MAPK8IP3: variants seen among roughly 807,000 people sequenced by gnomAD.
The protein encoded by MAPK8IP3 is C-Jun-amino-terminal kinase-interacting protein 3.
In MAPK8IP3, 49 loss-of-function variants were observed where a neutral mutation model predicts 157.8. The ratio of observed to expected loss-of-function variants is 0.31; its 90% confidence interval spans 0.25 to 0.39. MAPK8IP3 has a LOEUF of 0.39. Among genes scored for constraint, MAPK8IP3 ranks in the 10% least tolerant of loss-of-function variants. The pLI, the probability that MAPK8IP3 is intolerant of heterozygous loss-of-function variation, is 1.00. For missense variants in MAPK8IP3, 1,478 were observed against 1,889.4 expected, an observed-to-expected ratio of 0.78 and a Z score of 4.04; for synonymous variants, 897 against 777.7, an observed-to-expected ratio of 1.15 and a Z score of -2.55.
At chr16:1,747,888 G>A (rs779052237) in intron 6 of MAPK8IP3, among the ~76,000 whole-genome samples, 3 of 151,886 alleles carry the variant, frequency 2.0e-5, no homozygotes, top group Non-Finnish European at 4.4e-5. Flanking sequence ...AGTAACCTGC[G>A]TTGCCCCACG....
chr16:1,759,141 C>T, intron 10 of MAPK8IP3, 146 bp downstream of exon 10: 2 of 1,072,420 alleles, frequency 1.9e-6, no homozygotes, highest in South Asian at 1.4e-5. Flanking sequence ...GAAGCTCGCT[C>T]TGTCCAGGCT....
At chr16:1,708,469 AG>A (rs2037541797) in intron 1 of MAPK8IP3, among the ~76,000 whole-genome samples, 1 of 152,234 alleles carries the variant, frequency 6.6e-6, no homozygotes, top group Admixed American at 6.5e-5. Flanking sequence ...GTGGACGAGA[AG>A]GAACTGAAAG....
intron 5 of MAPK8IP3, chr16:1,746,600 G>T: frequency 4.9e-6 from 1 of 203,160 alleles, no homozygotes; most frequent in Non-Finnish European, 1.0e-5. Flanking sequence ...ATGGTGACGG[G>T]GCAGCGGTGG....
At chr16:1,729,603 G>A in intron 4 of MAPK8IP3, 25 bp downstream of exon 4, 1 of 1,570,846 alleles carries the variant, frequency 6.4e-7, no homozygotes, top group Non-Finnish European at 8.7e-7. Flanking sequence ...GCGGGGTGGA[G>A]GTACGCGGGG....
At chr16:1,737,247 CGT>C (rs2040019337) in intron 4 of MAPK8IP3, among the ~76,000 whole-genome samples, 2 of 86,566 alleles carry the variant, frequency 2.3e-5, no homozygotes, top group South Asian at 6.8e-4. Context: ...TCCGTGTGAC[CGT>C]GTGAGCGTCC....
chr16:1,720,105 G>A (rs372513725), intron 1 of MAPK8IP3, among the ~76,000 whole-genome samples: 4 of 152,324 alleles, frequency 2.6e-5, no homozygotes, highest in East Asian at 1.9e-4. Flanking sequence ...GTGCAATGGC[G>A]CAATCTTGGC....
At chr16:1,738,209 TGTGACCATCCGTGTGAGA>T (rs2040208387) in intron 4 of MAPK8IP3, among the ~76,000 whole-genome samples, 1 of 95,034 alleles carries the variant, frequency 1.1e-5, no homozygotes, top group Non-Finnish European at 2.0e-5. Flanking sequence ...CGTCCGTGTG[TGTGACCATCCGTGTGAGA>T]GTGTGACCAT....
intron 5 of MAPK8IP3, chr16:1,746,142 T>A (rs2040946339): frequency 6.6e-6 from 1 of 152,206 alleles, no homozygotes; most frequent in Admixed American, 6.5e-5. Flanking sequence ...GGCCTTGCAC[T>A]TTCCCACACC....
intron 8 of MAPK8IP3, among the ~76,000 whole-genome samples, chr16:1,750,077 T>C (rs1321087007): frequency 6.6e-6 from 1 of 152,264 alleles, no homozygotes; most frequent in East Asian, 1.9e-4. Flanking sequence ...GTGGAACTTT[T>C]CTCATGTGTT....
chr16:1,727,391 G>A (rs534193817), intron 2 of MAPK8IP3, among the ~76,000 whole-genome samples: 1 of 152,282 alleles, frequency 6.6e-6, no homozygotes, highest in East Asian at 1.9e-4. Context: ...ATGTGTGTTA[G>A]TCACATTTGC....
intron 9 of MAPK8IP3, 98 bp from the exon 10 acceptor site, chr16:1,758,880 G>A (rs553420638): frequency 1.2e-5 from 16 of 1,332,582 alleles, no homozygotes; most frequent in Non-Finnish European, 1.7e-5. Flanking sequence ...CTCCCAGCCT[G>A]CTGTCCACAC....
intron 1 of MAPK8IP3, among the ~76,000 whole-genome samples, chr16:1,722,537 T>C (rs2038596025): frequency 6.6e-6 from 1 of 152,140 alleles, no homozygotes; most frequent in Admixed American, 6.6e-5. Flanking sequence ...ACCCGGTTTA[T>C]ATTCCCATCT....
intron 8 of MAPK8IP3, among the ~76,000 whole-genome samples, chr16:1,757,481 G>A (rs2041674598): frequency 6.6e-6 from 1 of 152,210 alleles, no homozygotes; most frequent in Non-Finnish European, 1.5e-5. Flanking sequence ...ACCTCTGTTG[G>A]AGGAAGTGGT....
Position 1,742,311 on chromosome 16 carries a change from G to C in MAPK8IP3, c.603-1021G>C, listed in dbSNP as rs2040730811. On this transcript the variant is annotated intron_variant, in intron 4 of 31. Transcript: ENST00000610761. The surrounding 1 kb of genome is among the most constrained non-coding windows in gnomAD (Gnocchi z 5.0). ...ATGGCCCACAGGAGGTCATCCCTAG[G>C]GACTGAGCCCACAGCAGGGGGCACT... Among the ~76,000 whole-genome samples, 1 of 152,116 alleles carries C rather than the reference G, an allele frequency of 6.6e-6. No homozygotes were observed. Among genetic ancestry groups the C allele is most frequent in the African/African-American group, 2.4e-5 (1 of 41,406 alleles).
chr16:1,714,184 G>C (rs866182050), intron 1 of MAPK8IP3: 5 of 152,378 alleles, frequency 3.3e-5, no homozygotes, highest in African/African-American at 1.2e-4. Flanking sequence ...TTGTCCATCC[G>C]CCTGCCTGCA....
chr16:1,768,508 G>A lies in MAPK8IP3; in HGVS notation c.3774G>A (p.Val1258=), dbSNP rs2042415490. The change falls in exon 31 of 32, where the codon GTG becomes GTA. Residue 1258 remains valine, a synonymous_variant. Coordinates refer to ENST00000610761, the MANE Select transcript of MAPK8IP3 (RefSeq NM_001318852.2). ...TGCTGGCCACCCTGAATGGGAGTGT[G>A]CTGGACAGCCCAGCCGAGGGCCCTG... ...GNVLATLNGS[V]LDSPAEGPGP... is the part of the protein sequence containing the mutation. 6.4e-7 allele frequency: 1 copy of A among 1,557,242 alleles called. No individual in the cohort carries two copies. Among genetic ancestry groups the A allele is most frequent in the Non-Finnish European group, 8.7e-7 (1 of 1,153,810 alleles).
In MAPK8IP3 at chr16:1,715,656, C is replaced by G. The variant is rs1361756843; in HGVS notation, c.319-8901C>G. Among the ~76,000 whole-genome samples, 8 of 152,220 alleles carry G rather than the reference C, an allele frequency of 5.3e-5. No individual in the cohort carries two copies. In the East Asian group the frequency reaches 1.2e-3, roughly 22 times the overall value. ...CTTTGATTCGTGTCAAGATTCGTTT[C>G]TAACCAACCAGCCAGAGCTGAATTG... On this transcript the variant is annotated intron_variant, in intron 1 of 31. Transcript: ENST00000610761.
intron 4 of MAPK8IP3, among the ~76,000 whole-genome samples, chr16:1,739,218 G>A (rs1258742373): frequency 8.5e-6 from 1 of 117,198 alleles, no homozygotes; most frequent in African/African-American, 3.3e-5. Context: ...GTCCGTGTGA[G>A]CGTGTGACCG....
intron 8 of MAPK8IP3, chr16:1,749,044 G>A (rs923579265): frequency 2.5e-6 from 1 of 406,528 alleles, no homozygotes; most frequent in Non-Finnish European, 4.7e-6. Flanking sequence ...CTGTTATGCT[G>A]TGTCGTTTAG....
Sources: gnomAD v4.1 joint callset for allele counts (sites outside exome capture counted in the v4.1 genomes callset) on GRCh38, gnomAD v4.1.1 for gene constraint, Gnocchi (gnomAD v3.1) non-coding constraint, MANE v1.5 for transcripts, NCBI Gene and HGNC (gene_info 2026-07-23, HGNC 2026-07-21) for gene names.